TMEM114: variants seen among roughly 807,000 people sequenced by gnomAD.
TMEM114 encodes the protein claudin-26.
Under a neutral mutation model 6.2 loss-of-function variants are expected in TMEM114, and 6 were observed. The ratio of observed to expected loss-of-function variants is 0.97; its 90% CI spans 0.53 to 1.91. TMEM114 has a LOEUF of 1.91. Ranked by LOEUF, TMEM114 falls within the 40% of genes most tolerant of loss-of-function variation. TMEM114 has a pLI of 0.01. For missense variants in TMEM114, 218 were observed against 158.3 expected, an observed-to-expected ratio of 1.38 and a Z score of -2.02; for synonymous variants, 104 against 73.0, an observed-to-expected ratio of 1.42 and a Z score of -2.16.
At chr16:8,558,082 C>T (rs1901072583) in intron 2 of TMEM114, among the ~76,000 whole-genome samples, 1 of 152,048 alleles carries the variant, frequency 6.6e-6, no homozygotes, top group Non-Finnish European at 1.5e-5. Flanking sequence ...GGTGAAACCC[C>T]ATCTCTACTA....
chr16:8,546,488 C>G (rs770964192), intron 2 of TMEM114, among the ~76,000 whole-genome samples: 1 of 152,206 alleles, frequency 6.6e-6, no homozygotes, highest in African/African-American at 2.4e-5. Context: ...TCTACAGGAA[C>G]CAGCCCAGGG....
the TMEM114 span, among the ~76,000 whole-genome samples, chr16:8,528,173 C>A: frequency 5.3e-5 from 8 of 152,022 alleles, no homozygotes; most frequent in African/African-American, 1.9e-4. Context: ...AGTGCTAGAA[C>A]TACAGGTTTG....
intron 3 of TMEM114, among the ~76,000 whole-genome samples, chr16:8,570,413 C>A (rs986895163): frequency 5.3e-5 from 8 of 152,072 alleles, no homozygotes; most frequent in East Asian, 1.9e-4. Context: ...CTTGCTGCAA[C>A]CTCCACCTCC....
intron 2 of TMEM114, among the ~76,000 whole-genome samples, chr16:8,564,361 GTGAATGAGTCAGTGAA>G (rs1164624753): frequency 2.7e-5 from 4 of 148,044 alleles, no homozygotes; most frequent in Non-Finnish European, 5.9e-5. Flanking sequence ...GAGTCAGTGA[GTGAATGAGTCAGTGAA>G]TGAGTGAGGG....
At chr16:8,558,602 T>A (rs553140599) in intron 2 of TMEM114, among the ~76,000 whole-genome samples, 3 of 152,156 alleles carry the variant, frequency 2.0e-5, no homozygotes, top group African/African-American at 7.2e-5. Context: ...CAACATGATC[T>A]TTTTGGGGCA....
intron 2 of TMEM114, among the ~76,000 whole-genome samples, chr16:8,582,163 T>C (rs1444301339): frequency 6.6e-6 from 1 of 152,110 alleles, no homozygotes; most frequent in Non-Finnish European, 1.5e-5. Context: ...CCACTTCCTC[T>C]CAGTTCAGCT....
chr16:8,572,947 G>C (rs1185065404), intron 2 of TMEM114, among the ~76,000 whole-genome samples: 1 of 152,186 alleles, frequency 6.6e-6, no homozygotes, highest in East Asian at 1.9e-4. Context: ...GACAGCACTT[G>C]CTGATCATTT....
chr16:8,567,305 G>C (rs1901578889), downstream of TMEM114, among the ~76,000 whole-genome samples: 1 of 152,142 alleles, frequency 6.6e-6, no homozygotes, highest in African/African-American at 2.4e-5. Flanking sequence ...TCCCATGTGA[G>C]CTAGGAAGGG....
chr16:8,548,949 A>C (rs1900757280), intron 2 of TMEM114, among the ~76,000 whole-genome samples: 1 of 152,042 alleles, frequency 6.6e-6, no homozygotes, highest in Admixed American at 6.6e-5. Flanking sequence ...TTGGGAGGCC[A>C]AGGCAGGTGG....
intron 2 of TMEM114, among the ~76,000 whole-genome samples, chr16:8,543,166 TCAGA>T (rs1900563996): frequency 1.3e-5 from 2 of 152,178 alleles, no homozygotes; most frequent in Non-Finnish European, 2.9e-5. Context: ...AAACTTAGGA[TCAGA>T]CAGACTGACT....
intron 2 of TMEM114, among the ~76,000 whole-genome samples, chr16:8,585,650 C>G (rs1367410692): frequency 6.6e-6 from 1 of 151,642 alleles, no homozygotes; most frequent in East Asian, 1.9e-4. Context: ...AAAGCTCTTT[C>G]TGGGGGTGAT....
chr16:8,544,881 T>C, intron 2 of TMEM114, among the ~76,000 whole-genome samples: 1 of 152,052 alleles, frequency 6.6e-6, no homozygotes, highest in Non-Finnish European at 1.5e-5. Flanking sequence ...AAAATATGAA[T>C]GTGTCTATTC....
intron 2 of TMEM114, among the ~76,000 whole-genome samples, chr16:8,572,863 T>A (rs1255773232): frequency 6.6e-6 from 1 of 152,202 alleles, no homozygotes; most frequent in African/African-American, 2.4e-5. Context: ...GGTTTGGGCC[T>A]TGGCTCTGCC....
chr16:8,538,759 G>T (rs777835145), intron 2 of TMEM114, among the ~76,000 whole-genome samples: 2 of 152,136 alleles, frequency 1.3e-5, no homozygotes, highest in African/African-American at 2.4e-5. Context: ...GCCCACCTCG[G>T]CCTCCCAAGG....
chr16:8,553,326 G>T (rs1011805035), intron 2 of TMEM114, among the ~76,000 whole-genome samples: 15 of 152,184 alleles, frequency 9.9e-5, no homozygotes, highest in African/African-American at 3.6e-4. Flanking sequence ...GGTGTCTGTG[G>T]CCAGAGAAGT....
chr16:8,551,496 G>A (rs1281023748), intron 2 of TMEM114, among the ~76,000 whole-genome samples: 1 of 152,154 alleles, frequency 6.6e-6, no homozygotes, highest in Non-Finnish European at 1.5e-5. Flanking sequence ...CATTGCATAA[G>A]AAGAAAATTC....
At chr16:8,577,459 G>C (rs765031424) in intron 2 of TMEM114, among the ~76,000 whole-genome samples, 2 of 152,202 alleles carry the variant, frequency 1.3e-5, no homozygotes, top group Non-Finnish European at 2.9e-5. Context: ...CCTTAGGTAA[G>C]TCCCTTCACC....
downstream of TMEM114, among the ~76,000 whole-genome samples, chr16:8,564,895 G>C (rs989523997): frequency 1.1e-4 from 4 of 36,188 alleles, no homozygotes; most frequent in African/African-American, 5.2e-4. Flanking sequence ...ATGAGTGAGT[G>C]AGTGAATGAG....
chr16:8,559,801 G>A (rs1901140285), intron 2 of TMEM114, among the ~76,000 whole-genome samples: 2 of 152,180 alleles, frequency 1.3e-5, no homozygotes, highest in South Asian at 4.1e-4. Context: ...GTGTGTGCGT[G>A]AAGCCCAGGT....
Sources: allele counts gnomAD v4.1 joint callset (sites outside exome capture counted in the v4.1 genomes callset), GRCh38; gene constraint gnomAD v4.1.1; transcripts MANE v1.5; gene names NCBI Gene and HGNC (gene_info 2026-07-23, HGNC 2026-07-21).